DPP6: variants seen among roughly 807,000 people sequenced by gnomAD.
DPP6 encodes the protein A-type potassium channel modulatory protein DPP6.
A neutral mutation model predicts 122.6 loss-of-function variants in DPP6; 69 were observed. The ratio of observed to expected loss-of-function variants is 0.56; its 90% CI spans 0.46 to 0.69. The LOEUF (loss-of-function observed/expected upper bound fraction) is 0.69. Ranked by LOEUF, DPP6 falls within the 30% of genes least tolerant of loss-of-function variation. The pLI, the probability that DPP6 is intolerant of heterozygous loss-of-function variation, is 0.00. For synonymous variants in DPP6, 418 were observed against 433.1 expected, an observed-to-expected ratio of 0.97 and a Z score of 0.43; for missense variants, 928 against 1,116.9, an observed-to-expected ratio of 0.83 and a Z score of 2.41.
intron 1 of DPP6, among the ~76,000 whole-genome samples, chr7:154,160,741 A>G (rs1796939139): frequency 6.6e-6 from 1 of 152,210 alleles, no homozygotes; most frequent in African/African-American, 2.4e-5. Flanking sequence ...TCCAGAAGAC[A>G]GAGATGGGGG....
At chr7:154,541,078 T>G (rs532025673) in intron 4 of DPP6, among the ~76,000 whole-genome samples, 30 of 152,334 alleles carry the variant, frequency 2.0e-4, no homozygotes, top group Admixed American at 7.2e-4. Context: ...AAGTAAATAC[T>G]GAGTCAATAT....
chr7:154,559,031 C>T (rs1285001783), intron 4 of DPP6, among the ~76,000 whole-genome samples: 14 of 151,900 alleles, frequency 9.2e-5, no homozygotes, highest in Non-Finnish European at 2.1e-4. Context: ...GGAAATGTGA[C>T]TCCTAATGAG....
chr7:154,312,086 C>G (rs142029006), intron 1 of DPP6, among the ~76,000 whole-genome samples: 396 of 152,322 alleles, frequency 2.6e-3, no homozygotes, highest in African/African-American at 8.8e-3. Flanking sequence ...ACAGCGGGGA[C>G]AGTCTTGGCA....
At chr7:154,036,197 G>A (rs976455988) in intron 1 of DPP6, among the ~76,000 whole-genome samples, 4 of 150,446 alleles carry the variant, frequency 2.7e-5, no homozygotes, top group Middle Eastern at 3.2e-3. Flanking sequence ...TGCAACCTCC[G>A]CCTCACAGGT....
At chr7:154,338,146 A>G (rs1392853269) in intron 1 of DPP6, among the ~76,000 whole-genome samples, 1 of 152,150 alleles carries the variant, frequency 6.6e-6, no homozygotes, top group African/African-American at 2.4e-5. Flanking sequence ...GGCAAAGTTC[A>G]AAGTTGCTTA....
At chr7:154,746,041 C>T (rs909083660) in intron 8 of DPP6, among the ~76,000 whole-genome samples, 4 of 152,112 alleles carry the variant, frequency 2.6e-5, no homozygotes, top group African/African-American at 9.7e-5. Context: ...ATTGTTGGTC[C>T]TGCCTCATTT....
chr7:154,221,023 A>G (rs1183506745), intron 1 of DPP6, among the ~76,000 whole-genome samples: 3 of 152,158 alleles, frequency 2.0e-5, no homozygotes, highest in Non-Finnish European at 2.9e-5. Flanking sequence ...AAGTTTGAAG[A>G]GCGTTTGCTG....
intron 7 of DPP6, among the ~76,000 whole-genome samples, chr7:154,674,697 G>A (rs751244387): frequency 3.9e-5 from 6 of 152,186 alleles, no homozygotes; most frequent in African/African-American, 1.2e-4. Context: ...AGTCTTCAAC[G>A]CAGAGAGCGT....
intron 1 of DPP6, among the ~76,000 whole-genome samples, chr7:154,229,293 C>A (rs1800782713): frequency 6.6e-6 from 1 of 152,154 alleles, no homozygotes; most frequent in South Asian, 2.1e-4. Flanking sequence ...TATTTCCTCT[C>A]CTATTGCAAT....
intron 1 of DPP6, among the ~76,000 whole-genome samples, chr7:153,936,355 C>T (rs1234265453): frequency 2.0e-5 from 3 of 152,138 alleles, no homozygotes; most frequent in African/African-American, 7.2e-5. Flanking sequence ...GCTGGAGCGG[C>T]CAGGATGGGG....
chr7:153,842,709 T>C, the DPP6 span, among the ~76,000 whole-genome samples: 553 of 152,308 alleles, frequency 3.6e-3, 4 homozygotes, highest in African/African-American at 0.012. Context: ...CAAAACCTTT[T>C]GAAGTAATGA....
intron 1 of DPP6, among the ~76,000 whole-genome samples, chr7:154,011,079 C>A (rs1798132847): frequency 6.6e-6 from 1 of 152,130 alleles, no homozygotes. Flanking sequence ...TACCCCTATC[C>A]CTCTCCTGTT....
chr7:154,060,742 G>GA (rs1801701330), intron 1 of DPP6, among the ~76,000 whole-genome samples: 1 of 140,024 alleles, frequency 7.1e-6, no homozygotes, highest in Non-Finnish European at 1.6e-5. Context: ...CCGCGAGGCA[G>GA]GGACTGAGAG....
intron 1 of DPP6, among the ~76,000 whole-genome samples, chr7:153,909,330 A>C (rs554979586): frequency 2.6e-5 from 4 of 152,284 alleles, no homozygotes; most frequent in Non-Finnish European, 5.9e-5. Context: ...GCATTGTTGT[A>C]GAGCAGAGCC....
intron 4 of DPP6, among the ~76,000 whole-genome samples, chr7:154,551,956 T>C (rs1249743781): frequency 6.6e-6 from 1 of 152,232 alleles, no homozygotes; most frequent in African/African-American, 2.4e-5. Flanking sequence ...TTCTAGGTGC[T>C]ATTGGAAGTA....
intron 1 of DPP6, among the ~76,000 whole-genome samples, chr7:154,215,441 A>C (rs4424168): frequency 6.6e-6 from 1 of 152,002 alleles, no homozygotes; most frequent in Admixed American, 6.5e-5. Flanking sequence ...AGAACTGAGA[A>C]ACAGTTGAGA....
chr7:154,559,573 A>G (rs1830276503), intron 4 of DPP6, among the ~76,000 whole-genome samples: 1 of 152,202 alleles, frequency 6.6e-6, no homozygotes, highest in African/African-American at 2.4e-5. Flanking sequence ...AAGATGAGTG[A>G]CAAATAGAAC....
At chr7:154,485,278 A>G (rs1459511019) in intron 3 of DPP6, among the ~76,000 whole-genome samples, 1 of 152,230 alleles carries the variant, frequency 6.6e-6, no homozygotes, top group Non-Finnish European at 1.5e-5. Flanking sequence ...TACACACTGA[A>G]GCACATCGTT....
At chr7:154,835,107 C>T (rs1179767936) in intron 16 of DPP6, among the ~76,000 whole-genome samples, 1 of 152,014 alleles carries the variant, frequency 6.6e-6, no homozygotes, top group South Asian at 2.1e-4. Context: ...CTTATTTCCC[C>T]ACAAAATGTG....
Sources: gnomAD v4.1 joint callset for allele counts (sites outside exome capture counted in the v4.1 genomes callset) on GRCh38, gnomAD v4.1.1 for gene constraint, MANE v1.5 for transcripts, NCBI Gene and HGNC (gene_info 2026-07-23, HGNC 2026-07-21) for gene names.